Variants in STAM2 observed in about 807,000 individuals in gnomAD.
STAM2 encodes the protein signal transducing adaptor molecule 2, also known as signal transducing adapter molecule 2.
Under a neutral mutation model 65.6 loss-of-function variants are expected in STAM2, and 51 were observed. The ratio of observed to expected loss-of-function variants is 0.78; its 90% CI spans 0.62 to 0.98. The LOEUF (loss-of-function observed/expected upper bound fraction) is 0.98, where lower values mean the gene tolerates loss of function less well. Ranked by LOEUF, STAM2 falls within the 50% of genes least tolerant of loss-of-function variation. STAM2 has a pLI of 0.00. For missense variants in STAM2, 584 were observed against 617.8 expected (o/e 0.95, Z 0.58); for synonymous variants, 198 against 208.4 (o/e 0.95, Z 0.43).
At chr2:152,157,672 G>T in intron 1 of STAM2, among the ~76,000 whole-genome samples, 1 of 152,182 alleles carries the variant, frequency 6.6e-6, no homozygotes, top group East Asian at 1.9e-4. Context: ...CTAGTCTATG[G>T]TATTGTTATG....
rs1688789372 is a variant in STAM2, at chr2:152,118,417, T to A, written c.*2157A>T. On this transcript the variant is annotated 3_prime_UTR_variant, in exon 14 of 14. Transcript: ENST00000263904. ...AAAAAACTTCTGCACATATAAACTT[T>A]CACCGATGTGCCAATATATACTATA... The A allele has an allele frequency of 6.7e-6, 1 of 148,902 alleles. No individual in the cohort carries two copies. The highest frequency in any genetic ancestry group is 1.5e-5 in the Non-Finnish European group (1 of 67,514). The allele number at this position is 148,902 out of a possible 1,614,324, so 9.2% of individuals were successfully genotyped here. A position where few individuals can be genotyped will look rare whatever the true frequency, so the allele number is the denominator to read the frequency against.
intron 5 of STAM2, 126 bp downstream of exon 5, chr2:152,147,036 C>T: frequency 1.1e-6 from 1 of 878,834 alleles, no homozygotes; most frequent in East Asian, 2.7e-5. Context: ...AGGCACTATG[C>T]TAGAGAGTCA....
rs375070793 is a variant in STAM2 at position 152,150,251 on chromosome 2, A to G, written c.41-22T>C. On this transcript the variant is annotated intron_variant, in intron 1 of 13. Coordinates refer to ENST00000263904, the MANE Select transcript of STAM2 (RefSeq NM_005843.6). ...TTTTCTATAAAATATATTGGCATAC[A>G]CAACAATGAGGACACATCTCATATA... 131 of 1,491,740 alleles carry G rather than the reference A, an allele frequency of 8.8e-5. 1 individual carries two copies. The highest frequency in any genetic ancestry group is 1.1e-5 in the Non-Finnish European group (12 of 1,070,848). 92.4% of individuals were successfully genotyped at this position (1,491,740 alleles called of 1,614,324 possible). A position where few individuals can be genotyped will look rare whatever the true frequency, so the allele number is the denominator to read the frequency against.
intron 1 of STAM2, among the ~76,000 whole-genome samples, chr2:152,153,141 A>T (rs940707565): frequency 6.6e-6 from 1 of 152,214 alleles, no homozygotes; most frequent in Non-Finnish European, 1.5e-5. Context: ...AACTTTTACA[A>T]AAATTTCAAT....
In STAM2 at chr2:152,118,227, T is replaced by C. The variant is rs1241384412; in HGVS notation, c.*2347A>G. On this transcript the variant is annotated 3_prime_UTR_variant, in exon 14 of 14. Coordinates refer to ENST00000263904, the MANE Select transcript of STAM2 (RefSeq NM_005843.6). ...GCAGAAAACAATTATAAACAGGTCT[T>C]AATATAAATAGAATCCATAAGCCCA... is the stretch of plus-strand genomic sequence containing the variant. 4 of 151,970 alleles carry C rather than the reference T, an allele frequency of 2.6e-5. No homozygotes were observed. 9.4% of individuals were successfully genotyped at this position (151,970 alleles called of 1,614,324 possible).
At chr2:152,150,030 G>A (rs1314885717) in intron 2 of STAM2, 115 bp downstream of exon 2, 12 of 698,478 alleles carry the variant, frequency 1.7e-5, no homozygotes, top group Non-Finnish European at 2.9e-5. Context: ...TTAAATCTGT[G>A]TTGTTCAAGG....
In STAM2 at chr2:152,147,768, A is replaced by G. The variant is rs114652032; in HGVS notation, c.300+256T>C. On this transcript the variant is annotated intron_variant, in intron 4 of 13. Coordinates refer to ENST00000263904, the MANE Select transcript of STAM2 (RefSeq NM_005843.6). ...AGTTAAGAGCATTCAACAAGACAGT[A>G]TATGTAAAATGCTTAAAGTAATGAC... Among the ~76,000 whole-genome samples, 426 of 152,322 alleles carry G rather than the reference A, an allele frequency of 2.8e-3. 4 individuals carry two copies. Among genetic ancestry groups the G allele is most frequent in the African/African-American group, 9.9e-3 (412 of 41,588 alleles).
At chr2:152,169,007 C>T (rs1401519754) in intron 1 of STAM2, among the ~76,000 whole-genome samples, 3 of 152,186 alleles carry the variant, frequency 2.0e-5, no homozygotes, top group Non-Finnish European at 2.9e-5. Context: ...TGTATAACCT[C>T]AGGGTGGAGA....
At position 152,144,916 on chromosome 2, in the gene STAM2, T is replaced by G; in HGVS notation, c.489A>C (p.Lys163Asn). ...AAAKNGTSSNKNKEDEDIAKA... is the reference protein window; with the variant it reads ...AAAKNGTSSNNNKEDEDIAKA... ...TAGCTATGTCTTCATCCTCTTTGTT[T>G]TTGTTCGATGACGTACCATTCTTGG... The change falls in exon 6 of 14, where the codon AAA becomes AAC. Residue 163 changes from lysine to asparagine, a missense_variant. Physicochemically the swap from Lys to Asn is moderately conservative, Grantham distance 94. Transcript: ENST00000263904. The G allele has an allele frequency of 6.2e-7, 1 of 1,614,062 alleles. No individual in the cohort carries two copies. Among genetic ancestry groups the G allele is most frequent in the East Asian group, 2.2e-5 (1 of 44,876 alleles).
chr2:152,172,488 A>C (rs987142245), intron 1 of STAM2, among the ~76,000 whole-genome samples: 10 of 152,178 alleles, frequency 6.6e-5, no homozygotes, highest in Non-Finnish European at 1.5e-4. Context: ...AAAAGAGATT[A>C]ATCTTTAAAG....
chr2:152,123,986 T>TAATA (rs773616976), intron 12 of STAM2, 51 bp from the exon 13 acceptor site: 10 of 1,430,776 alleles, frequency 7.0e-6, no homozygotes, highest in Non-Finnish European at 9.7e-6. Context: ...AACATGTGCC[T>TAATA]AATAATATAT....
At chr2:152,141,674 T>G (rs1031743389) in intron 7 of STAM2, among the ~76,000 whole-genome samples, 15 of 151,602 alleles carry the variant, frequency 9.9e-5, no homozygotes, top group African/African-American at 3.6e-4. Flanking sequence ...CACTGCAACC[T>G]CCGCCTCCCG....
chr2:152,139,991 C>A (rs144297203), intron 7 of STAM2, among the ~76,000 whole-genome samples: 4 of 152,050 alleles, frequency 2.6e-5, no homozygotes, highest in African/African-American at 9.7e-5. Flanking sequence ...GCAAATATGA[C>A]GCCATTTTAT....
At chr2:152,142,149 G>A (rs961937968) in intron 7 of STAM2, among the ~76,000 whole-genome samples, 1 of 152,144 alleles carries the variant, frequency 6.6e-6, no homozygotes, top group Non-Finnish European at 1.5e-5. Flanking sequence ...AACTATAAAA[G>A]TAGGGTGTCC....
chr2:152,149,764 C>G (rs1689408202), intron 2 of STAM2, among the ~76,000 whole-genome samples: 2 of 152,190 alleles, frequency 1.3e-5, no homozygotes, highest in Non-Finnish European at 2.9e-5. Flanking sequence ...TCTCAAAGTT[C>G]TGGGATTATA....
intron 12 of STAM2, chr2:152,124,641 A>G (rs2105528165): frequency 6.6e-6 from 1 of 152,396 alleles, no homozygotes; most frequent in African/African-American, 2.4e-5. Context: ...GCATACATTT[A>G]ATATCATATC....
At chr2:152,171,333 T>C (rs1689895166) in intron 1 of STAM2, among the ~76,000 whole-genome samples, 2 of 152,174 alleles carry the variant, frequency 1.3e-5, no homozygotes, top group African/African-American at 2.4e-5. Context: ...TATTTCATAG[T>C]TTAAAAAGCT....
chr2:152,126,720 C>A (rs185292782), intron 11 of STAM2, among the ~76,000 whole-genome samples: 1 of 150,898 alleles, frequency 6.6e-6, no homozygotes, highest in Admixed American at 6.6e-5. Flanking sequence ...AAACCCCCCA[C>A]GTTTTCTGTG....
At chr2:152,133,567 C>A in intron 8 of STAM2, 83 bp from the exon 9 acceptor site, 2 of 1,005,230 alleles carry the variant, frequency 2.0e-6, no homozygotes, top group Admixed American at 2.3e-5. Flanking sequence ...CTATGATTGT[C>A]CATAAGAAAA....
Sources: allele counts gnomAD v4.1 joint callset (sites outside exome capture counted in the v4.1 genomes callset), GRCh38; gene constraint gnomAD v4.1.1; transcripts MANE v1.5; gene names NCBI Gene and HGNC (gene_info 2026-07-23, HGNC 2026-07-21).